The following TMEM74 variants were observed in gnomAD, a reference collection of about 807,000 sequenced individuals.
TMEM74 encodes the protein transmembrane protein 74.
A neutral mutation model predicts 18.1 loss-of-function variants in TMEM74; 13 were observed. That is an observed-to-expected ratio of 0.72 (90% CI 0.47 to 1.14). The LOEUF (loss-of-function observed/expected upper bound fraction) is 1.14. TMEM74 is among the 50% of genes most tolerant of loss of function. The probability of loss-of-function intolerance (pLI) is 0.00; values close to 1 mark genes in which losing one functional copy is unlikely to be tolerated. For synonymous variants in TMEM74, 159 were observed against 146.6 expected, an observed-to-expected ratio of 1.08 and a Z score of -0.61; for missense variants, 372 against 375.9, an observed-to-expected ratio of 0.99 and a Z score of 0.09.
intron 1 of TMEM74, among the ~76,000 whole-genome samples, chr8:108,705,420 T>G (rs1019064902): frequency 1.3e-5 from 2 of 152,196 alleles, no homozygotes; most frequent in Non-Finnish European, 2.9e-5. Flanking sequence ...CCTGGATGGA[T>G]CTTGGGCAAG....
intron 1 of TMEM74, among the ~76,000 whole-genome samples, chr8:108,751,421 C>T (rs1813903627): frequency 6.6e-6 from 1 of 152,058 alleles, no homozygotes; most frequent in South Asian, 2.1e-4. Flanking sequence ...AATCCTGGCT[C>T]TGTTGCACAT....
chr8:108,784,895 G>A lies in TMEM74; in HGVS notation c.204C>T (p.Ser68=). ...GAAGAGTACTGTTTTGCAGAGAGGA[G>A]GAGGGGGATGCTGGAGAAGAACTAA... The part of the protein sequence containing the change: ...SKLSSSPASP[S]SSLQNSTLQP... Residue 68 remains serine (S), a synonymous_variant, in exon 2 of 2, where the codon TCC becomes TCT. Coordinates refer to ENST00000297459, the MANE Select transcript of TMEM74 (RefSeq NM_153015.3). The A allele has an allele frequency of 6.2e-7, 1 of 1,614,160 alleles. No individual in the cohort carries two copies. The highest frequency in any genetic ancestry group is 8.5e-7 in the Non-Finnish European group (1 of 1,180,032).
intron 2 of TMEM74, among the ~76,000 whole-genome samples, chr8:108,613,961 A>G (rs1812359448): frequency 6.6e-6 from 1 of 151,460 alleles, no homozygotes; most frequent in Non-Finnish European, 1.5e-5. Flanking sequence ...GTATTATTGT[A>G]TGTGGAGCAT....
chr8:108,762,165 A>G (rs970176221), intron 1 of TMEM74, among the ~76,000 whole-genome samples: 9 of 152,186 alleles, frequency 5.9e-5, no homozygotes, highest in Admixed American at 5.9e-4. Context: ...TTTGCCCACA[A>G]ATAAACTTGG....
At chr8:108,612,094 A>G (rs1812339763) in intron 2 of TMEM74, among the ~76,000 whole-genome samples, 1 of 152,140 alleles carries the variant, frequency 6.6e-6, no homozygotes, top group South Asian at 2.1e-4. Context: ...CCATGATTCA[A>G]TCACCTCCCA....
At chr8:108,765,112 A>G (rs931613215) in intron 1 of TMEM74, among the ~76,000 whole-genome samples, 16 of 152,166 alleles carry the variant, frequency 1.1e-4, no homozygotes, top group Non-Finnish European at 1.5e-5. Flanking sequence ...GTGGTTGGAA[A>G]TAGGTGTAAG....
Position 108,655,511 on chromosome 8 carries a change from A to T in TMEM74, n.120-74T>A, listed in dbSNP as rs140849798. ...TTTTTAATGATCTGTGGTACGTTTA[A>T]AAAGAAACACTTAGAAAGTGACCTT... is the stretch of plus-strand genomic sequence containing the variant. On this transcript the variant is annotated intron_variant and non_coding_transcript_variant, in intron 1 of 3. Transcript: ENST00000518838. 3.8e-3 allele frequency: 586 copies of T among 152,306 alleles called. 4 individuals carry two copies. Among genetic ancestry groups the T allele is most frequent in the African/African-American group, 0.014 (568 of 41,582 alleles). The allele number at this position is 152,306 out of a possible 1,614,324, so 9.4% of individuals were successfully genotyped here.
intron 1 of TMEM74, among the ~76,000 whole-genome samples, chr8:108,718,054 G>A (rs1813546180): frequency 1.3e-5 from 1 of 75,184 alleles, no homozygotes; most frequent in Non-Finnish European, 2.1e-5. Context: ...CGCCTCCCGG[G>A]TTCACGCCAT....
rs1554630293 is a variant in TMEM74, at chr8:108,657,879, T to TTAATTAC, written n.120-2443_120-2442insGTAATTA. 3.4e-4 allele frequency among the ~76,000 whole-genome samples: 28 copies of TTAATTAC among 82,730 alleles called. 1 individual carries two copies. The highest frequency in any genetic ancestry group is 9.6e-4 in the African/African-American group (21 of 21,934). 54.3% of individuals were successfully genotyped at this position (82,730 alleles called of 152,430 possible). A position where few individuals can be genotyped will look rare whatever the true frequency, so the allele number is the denominator to read the frequency against. ...AAAAAAATATATATATATATATATA[T>TTAATTAC]ATATATATATATATATATATATATT... On this transcript the variant is annotated intron_variant and non_coding_transcript_variant, in intron 1 of 3. Transcript: ENST00000518838.
rs1813149732 is a variant in TMEM74 at position 108,684,649 on chromosome 8, C to T, written n.120-29212G>A. Among the ~76,000 whole-genome samples, 6 of 151,280 alleles carry T rather than the reference C, an allele frequency of 4.0e-5. No homozygotes were observed. The Middle Eastern group carries it at 0.014, about 343-fold the overall frequency. ...TAAGGTCTTATTCATAAAAGCTTTTCCCAGACCAATATCTTGAAGCATTTA... is the reference window on the plus strand; with the variant it reads ...TAAGGTCTTATTCATAAAAGCTTTTTCCAGACCAATATCTTGAAGCATTTA... On this transcript the variant is annotated intron_variant and non_coding_transcript_variant, in intron 1 of 3. Transcript: ENST00000518838.
At chr8:108,683,714 T>C (rs530954956) in intron 1 of TMEM74, among the ~76,000 whole-genome samples, 23 of 152,132 alleles carry the variant, frequency 1.5e-4, no homozygotes, top group South Asian at 1.0e-3. Context: ...TTTATTTCTT[T>C]GTAATTTCTC....
intron 2 of TMEM74, among the ~76,000 whole-genome samples, chr8:108,614,081 C>T (rs141431954): frequency 7.3e-6 from 1 of 136,654 alleles, no homozygotes; most frequent in East Asian, 2.1e-4. Flanking sequence ...TATAAATGAA[C>T]TGAAATAATC....
At chr8:108,652,713 A>G (rs987388058) in intron 2 of TMEM74, 3 of 545,470 alleles carry the variant, frequency 5.5e-6, no homozygotes, top group Middle Eastern at 2.9e-4. Context: ...ATATTTTCTG[A>G]GATCTCTAAG....
chr8:108,651,476 A>G (rs1297413201), intron 2 of TMEM74, among the ~76,000 whole-genome samples: 2 of 152,156 alleles, frequency 1.3e-5, no homozygotes, highest in African/African-American at 4.8e-5. Context: ...CTATTTTTCT[A>G]TGAAAATTAC....
intron 1 of TMEM74, among the ~76,000 whole-genome samples, chr8:108,692,649 A>T (rs1813242198): frequency 6.6e-6 from 1 of 152,292 alleles, no homozygotes; most frequent in East Asian, 1.9e-4. Context: ...GTACTCTGAA[A>T]TTAAAATGTT....
At chr8:108,639,538 A>C (rs1812642087) in intron 2 of TMEM74, among the ~76,000 whole-genome samples, 1 of 152,192 alleles carries the variant, frequency 6.6e-6, no homozygotes, top group Non-Finnish European at 1.5e-5. Flanking sequence ...AGTATAATGA[A>C]ATAAATAAAT....
intron 2 of TMEM74, among the ~76,000 whole-genome samples, chr8:108,647,730 TAA>T (rs900253505): frequency 6.6e-6 from 1 of 152,048 alleles, no homozygotes; most frequent in Admixed American, 6.6e-5. Context: ...TGTGAAAAAC[TAA>T]GAGCCATTTT....
intron 1 of TMEM74, among the ~76,000 whole-genome samples, chr8:108,751,321 A>T (rs192167580): frequency 8.6e-4 from 131 of 152,244 alleles, no homozygotes; most frequent in Admixed American, 1.8e-3. Flanking sequence ...AGACCATATT[A>T]TACATTGTGC....
chr8:108,645,590 G>A (rs1032109041), intron 2 of TMEM74, among the ~76,000 whole-genome samples: 3 of 152,114 alleles, frequency 2.0e-5, no homozygotes, highest in Non-Finnish European at 4.4e-5. Context: ...TCATGTACTA[G>A]AGACATGACA....
Sources: allele counts gnomAD v4.1 joint callset (sites outside exome capture counted in the v4.1 genomes callset), GRCh38; gene constraint gnomAD v4.1.1; transcripts MANE v1.5; gene names NCBI Gene and HGNC (gene_info 2026-07-23, HGNC 2026-07-21).